The following NREP variants were observed in gnomAD, a reference collection of about 807,000 sequenced individuals.
The protein encoded by NREP is neuronal regeneration related protein, also known as neuronal regeneration-related protein.
In NREP, 5 loss-of-function variants were observed where a neutral mutation model predicts 8.6. That is an observed-to-expected ratio of 0.58 (90% confidence interval 0.30 to 1.22). The LOEUF (loss-of-function observed/expected upper bound fraction) is 1.22, where lower values mean the gene tolerates loss of function less well. NREP is among the 50% of genes most tolerant of loss of function. NREP has a pLI of 0.07. For missense variants in NREP, 86 were observed against 82.5 expected (o/e 1.04, Z -0.17); for synonymous variants, 27 against 28.0 (o/e 0.96, Z 0.11).
At chr5:111,801,611 T>C (rs1752010095) in intron 2 of NREP, among the ~76,000 whole-genome samples, 1 of 152,202 alleles carries the variant, frequency 6.6e-6, no homozygotes, top group African/African-American at 2.4e-5. Flanking sequence ...AGTTTTGCAG[T>C]TTTTCACTGT....
At chr5:111,951,678 G>C (rs1401223878) in intron 2 of NREP, among the ~76,000 whole-genome samples, 1 of 151,990 alleles carries the variant, frequency 6.6e-6, no homozygotes, top group African/African-American at 2.4e-5. Flanking sequence ...ATTCTCTAAA[G>C]TAATGTACCA....
In NREP at chr5:111,968,424, A is replaced by C. The variant is rs151067320; in HGVS notation, c.135+6850T>G. 2.6e-5 allele frequency among the ~76,000 whole-genome samples: 4 copies of C among 152,308 alleles called. No homozygotes were observed. The South Asian group carries it at 8.3e-4, about 32-fold the overall frequency. ...ACATGTTTAGTTTGAATAAAAGAAA[A>C]ATGAGCACTGTTTTAAAATATTTAA... On this transcript the variant is annotated intron_variant, in intron 2 of 3. Transcript: ENST00000395634.
At chr5:111,804,518 G>T (rs972674733) in intron 2 of NREP, among the ~76,000 whole-genome samples, 1 of 152,138 alleles carries the variant, frequency 6.6e-6, no homozygotes, top group Admixed American at 6.5e-5. Context: ...ATGTATAAAG[G>T]AAAAGATTGA....
chr5:111,833,211 T>C (rs1752815883), intron 2 of NREP, among the ~76,000 whole-genome samples: 1 of 152,206 alleles, frequency 6.6e-6, no homozygotes, highest in Admixed American at 6.5e-5. Flanking sequence ...TGAGGTTACT[T>C]TTAGTTACTC....
chr5:111,759,982 G>T (rs2112861997), upstream of NREP, among the ~76,000 whole-genome samples: 1 of 152,270 alleles, frequency 6.6e-6, no homozygotes, highest in Middle Eastern at 3.4e-3. Flanking sequence ...TAGAATATCA[G>T]TCCTTCACTT....
rs192952415 is a variant in NREP at position 111,773,566 on chromosome 5, G to T, written c.136-38059C>A. 1.5e-3 allele frequency among the ~76,000 whole-genome samples: 234 copies of T among 152,174 alleles called. 1 individual carries two copies. Among genetic ancestry groups the T allele is most frequent in the African/African-American group, 5.3e-3 (221 of 41,526 alleles). The stretch of plus-strand genomic sequence containing the variant: ...TGTTGGGGAGGATTGGAAATCTGTT[G>T]TTTTCAGTTGTGCAACAAAGATCTA... On this transcript the variant is annotated intron_variant, in intron 2 of 3. Transcript: ENST00000395634.
At chr5:111,885,785 C>G (rs1309220059) in intron 2 of NREP, among the ~76,000 whole-genome samples, 1 of 152,206 alleles carries the variant, frequency 6.6e-6, no homozygotes, top group Non-Finnish European at 1.5e-5. Context: ...AAAGCTGAAA[C>G]TGGATCCTTT....
chr5:111,976,071 T>C (rs965574451), intron 1 of NREP, among the ~76,000 whole-genome samples: 3 of 152,282 alleles, frequency 2.0e-5, no homozygotes, highest in Admixed American at 6.5e-5. Flanking sequence ...ATTAACTATG[T>C]TGTATCAGGA....
chr5:111,820,045 C>T (rs1456064755), intron 2 of NREP, among the ~76,000 whole-genome samples: 1 of 152,108 alleles, frequency 6.6e-6, no homozygotes, highest in African/African-American at 2.4e-5. Flanking sequence ...AACTAGATCT[C>T]CACCTAGGCC....
chr5:111,867,296 C>T (rs1753689884), intron 2 of NREP, among the ~76,000 whole-genome samples: 1 of 152,174 alleles, frequency 6.6e-6, no homozygotes, highest in Non-Finnish European at 1.5e-5. Context: ...AGAGTGCCAG[C>T]AAGGTCAGGT....
chr5:111,780,175 TC>T (rs1406642372), intron 2 of NREP, among the ~76,000 whole-genome samples: 1 of 152,182 alleles, frequency 6.6e-6, no homozygotes, highest in East Asian at 1.9e-4. Flanking sequence ...TGTTCCTTTC[TC>T]TTGCAGAAAG....
intron 2 of NREP, among the ~76,000 whole-genome samples, chr5:111,899,533 A>G (rs1202162708): frequency 6.6e-6 from 1 of 152,186 alleles, no homozygotes; most frequent in Non-Finnish European, 1.5e-5. Context: ...AAGAAAAAAT[A>G]AAACTTAAAA....
chr5:111,751,754 C>T (rs906827848), intron 2 of NREP, among the ~76,000 whole-genome samples: 2 of 152,184 alleles, frequency 1.3e-5, no homozygotes, highest in Non-Finnish European at 2.9e-5. Flanking sequence ...ACTCCTACAT[C>T]ACTCCAGCAA....
chr5:111,816,942 A>C lies in NREP; in HGVS notation c.136-81435T>G, dbSNP rs376798374. Among the ~76,000 whole-genome samples the C allele has an allele frequency of 9.9e-5, 15 of 152,176 alleles. No homozygotes were observed. The East Asian group carries it at 2.5e-3, about 25-fold the overall frequency. Reference sequence around the variant, plus strand: ...GCTGAAATAATGTTGAAGTAACTATACTAATAAGAAAAAAATGTAGCTTTA... The same window carrying C: ...GCTGAAATAATGTTGAAGTAACTATCCTAATAAGAAAAAAATGTAGCTTTA... On this transcript the variant is annotated intron_variant, in intron 2 of 3. Coordinates refer to the NREP transcript ENST00000395634.
chr5:111,786,688 A>C (rs560999454), intron 2 of NREP, among the ~76,000 whole-genome samples: 104 of 152,306 alleles, frequency 6.8e-4, no homozygotes, highest in African/African-American at 2.4e-3. Context: ...TAAATGTACA[A>C]TTTGTAATGA....
intron 2 of NREP, among the ~76,000 whole-genome samples, chr5:111,900,175 G>A (rs1754607864): frequency 1.3e-5 from 2 of 151,858 alleles, no homozygotes; most frequent in Non-Finnish European, 2.9e-5. Flanking sequence ...TGGAAATTAA[G>A]CAACATGCTC....
chr5:111,784,423 G>T (rs1751562707), intron 2 of NREP, among the ~76,000 whole-genome samples: 1 of 152,036 alleles, frequency 6.6e-6, no homozygotes, highest in Non-Finnish European at 1.5e-5. Flanking sequence ...GCCTCATATG[G>T]GGGAAAAAGA....
chr5:111,744,141 C>T (rs1749853023), intron 2 of NREP, among the ~76,000 whole-genome samples: 1 of 152,058 alleles, frequency 6.6e-6, no homozygotes, highest in African/African-American at 2.4e-5. Context: ...TCTGCATTTT[C>T]CCCCGAAGTG....
exon 1 of NREP, chr5:111,976,924 G>A (rs1321006105): frequency 2.8e-5 from 15 of 544,056 alleles, no homozygotes; most frequent in Admixed American, 6.8e-5. Flanking sequence ...GCTGGCAACA[G>A]TCATTCTGAA....
Sources: gnomAD v4.1 joint callset for allele counts (sites outside exome capture counted in the v4.1 genomes callset) on GRCh38, gnomAD v4.1.1 for gene constraint, MANE v1.5 for transcripts, NCBI Gene and HGNC (gene_info 2026-07-23, HGNC 2026-07-21) for gene names.